CAMSAP1: variants seen among roughly 807,000 people sequenced by gnomAD.
CAMSAP1 encodes calmodulin regulated spectrin associated protein 1.
CAMSAP1 carries 58 observed loss-of-function variants against 143.5 expected under a neutral mutation model. The observed-to-expected ratio is 0.40, with a 90% CI of 0.33 to 0.50. The LOEUF is 0.50. CAMSAP1 is among the 20% of genes least tolerant of loss of function. CAMSAP1 has a pLI of 0.45. For synonymous variants in CAMSAP1, 945 were observed against 859.3 expected, an observed-to-expected ratio of 1.10 and a Z score of -1.74; for missense variants, 1,969 against 2,115.7, an observed-to-expected ratio of 0.93 and a Z score of 1.36.
chr9:135,817,200 G>A (rs528216382), intron 14 of CAMSAP1, among the ~76,000 whole-genome samples: 55 of 152,184 alleles, frequency 3.6e-4, no homozygotes, highest in Non-Finnish European at 6.8e-4. Flanking sequence ...TCCTGGACTC[G>A]GAAACAACAC....
chr9:135,841,539 G>A (rs543951500), intron 7 of CAMSAP1, among the ~76,000 whole-genome samples: 2 of 152,306 alleles, frequency 1.3e-5, no homozygotes, highest in South Asian at 2.1e-4. Flanking sequence ...CCTGACTCCC[G>A]TGCCTCCTGA....
chr9:135,841,348 A>C (rs1239750371), intron 7 of CAMSAP1, among the ~76,000 whole-genome samples: 3 of 152,202 alleles, frequency 2.0e-5, no homozygotes, highest in African/African-American at 7.2e-5. Context: ...TATTAGCCCT[A>C]GTCAGGGGCT....
intron 7 of CAMSAP1, among the ~76,000 whole-genome samples, chr9:135,839,305 T>C (rs1164292735): frequency 6.6e-6 from 1 of 152,194 alleles, no homozygotes; most frequent in African/African-American, 2.4e-5. Flanking sequence ...ATGAGTCTGT[T>C]TGTGTCCGTA....
intron 3 of CAMSAP1, among the ~76,000 whole-genome samples, chr9:135,879,020 G>A (rs545450973): frequency 2.6e-5 from 4 of 152,132 alleles, no homozygotes; most frequent in African/African-American, 4.8e-5. Context: ...GAAAATGGGC[G>A]CCTGACCACA....
At chr9:135,830,057 T>C (rs1022055812) in intron 7 of CAMSAP1, among the ~76,000 whole-genome samples, 10 of 151,838 alleles carry the variant, frequency 6.6e-5, no homozygotes, top group African/African-American at 2.2e-4. Flanking sequence ...AGGTAATGAC[T>C]ACTGAAGTTA....
At chr9:135,814,135 A>G (rs1289807224) in intron 16 of CAMSAP1, among the ~76,000 whole-genome samples, 1 of 152,216 alleles carries the variant, frequency 6.6e-6, no homozygotes, top group African/African-American at 2.4e-5. Flanking sequence ...TCTAAGCAGG[A>G]AGGGCATGAC....
At chr9:135,851,857 C>T (rs144558758) in intron 5 of CAMSAP1, among the ~76,000 whole-genome samples, 26 of 152,352 alleles carry the variant, frequency 1.7e-4, no homozygotes, top group African/African-American at 6.0e-4. Context: ...GCTGTCTATG[C>T]GTGTACAGAC....
At chr9:135,878,763 T>C (rs1837835130) in intron 3 of CAMSAP1, among the ~76,000 whole-genome samples, 1 of 152,136 alleles carries the variant, frequency 6.6e-6, no homozygotes, top group Admixed American at 6.5e-5. Context: ...AAAGGTGCTT[T>C]GGAAGCATTC....
rs532144769 is a variant in CAMSAP1 at position 135,849,990 on chromosome 9, C to A, written c.1045+147G>T. 53 of 588,270 alleles carry A rather than the reference C, an allele frequency of 9.0e-5. No homozygotes were observed. The African/African-American group carries it at 9.7e-4, about 11-fold the overall frequency. The allele number at this position is 588,270 out of a possible 1,614,324, so 36.4% of individuals were successfully genotyped here. On this transcript the variant is annotated intron_variant, in intron 7 of 16. Transcript: ENST00000389532. ...ATCACTTAGAAAGCCTTTCCCCAAA[C>A]TCTCACGCCCGTCCCTGGGATTCTG...
Position 135,814,264 on chromosome 9 carries a change from G to GT in CAMSAP1, c.4506+832dup, listed in dbSNP as rs142296877. ...CGTTTTAAAGTGGGTCAGAAATTCC[G>GT]TATGTCACTTTAATTTTTACAACTA... is the stretch of plus-strand genomic sequence containing the variant. On this transcript the variant is annotated intron_variant, in intron 16 of 16. Coordinates refer to ENST00000389532, the MANE Select transcript of CAMSAP1 (RefSeq NM_015447.4). Among the ~76,000 whole-genome samples, 781 of 152,332 alleles carry GT rather than the reference G, an allele frequency of 5.1e-3. 5 individuals are homozygous for GT. The highest frequency in any genetic ancestry group is 0.018 in the African/African-American group (751 of 41,572).
chr9:135,816,002 C>T lies in CAMSAP1; in HGVS notation c.4275G>A (p.Val1425=), dbSNP rs199584430. 6.2e-7 allele frequency: 1 copy of T among 1,613,356 alleles called. No individual in the cohort carries two copies. The highest frequency in any genetic ancestry group is 8.5e-7 in the Non-Finnish European group (1 of 1,179,782). The change falls in exon 15 of 17, where the codon GTG becomes GTA. Residue 1425 remains valine (V), a synonymous_variant. Coordinates refer to ENST00000389532, the MANE Select transcript of CAMSAP1 (RefSeq NM_015447.4). The part of the protein sequence containing the change: ...VHSGGTPSQR[V]ESMEALPILS... ...GTATGGGCAGGGCTTCCATCGATTC[C>T]ACTCTGCAGGCAGAAACAGACAAGA...
rs1414674691 is a variant in CAMSAP1 at position 135,874,485 on chromosome 9, G to GA, written c.585+7147_585+7148insT. 4.7e-5 allele frequency among the ~76,000 whole-genome samples: 7 copies of GA among 149,824 alleles called. No homozygotes were observed. The East Asian group carries it at 1.2e-3, about 25-fold the overall frequency. ...GAGACCCTGTCTCAAAAAAGGGGGG[G>GA]GGGGGCCACAGGGGCCGGGAACTCC... On this transcript the variant is annotated intron_variant, in intron 3 of 16. Transcript: ENST00000389532.
At chr9:135,889,991 G>A (rs1236495203) in intron 1 of CAMSAP1, among the ~76,000 whole-genome samples, 1 of 152,216 alleles carries the variant, frequency 6.6e-6, no homozygotes, top group Non-Finnish European at 1.5e-5. Flanking sequence ...GCCTGAGCCT[G>A]GAAAGGAGGC....
In CAMSAP1 at chr9:135,850,249, A is replaced by G; in HGVS notation, c.949-16T>C. On this transcript the variant is annotated splice_polypyrimidine_tract_variant and intron_variant, in intron 6 of 16. Transcript: ENST00000389532. ...TAACATTCGGCTAAAAGACAAAAAC[A>G]AAAAACCAAAGTATGATAAGCAGTT... 1.2e-6 allele frequency: 2 copies of G among 1,612,732 alleles called. No homozygotes were observed. The highest frequency in any genetic ancestry group is 1.7e-6 in the Non-Finnish European group (2 of 1,179,602).
At chr9:135,906,003 C>T (rs1838765530) in intron 1 of CAMSAP1, among the ~76,000 whole-genome samples, 1 of 152,242 alleles carries the variant, frequency 6.6e-6, no homozygotes, top group Admixed American at 6.5e-5. Flanking sequence ...AAAGGAAAAA[C>T]TCTTTCCCAA....
At chr9:135,843,429 TAA>T (rs565800901) in intron 7 of CAMSAP1, among the ~76,000 whole-genome samples, 47 of 151,884 alleles carry the variant, frequency 3.1e-4, no homozygotes, top group African/African-American at 1.1e-3. Context: ...AGACTCAAAA[TAA>T]AGGGATGGAG....
In CAMSAP1 at chr9:135,809,572, G is replaced by A. The variant is rs551872291; in HGVS notation, c.*1737C>T. 11 of 152,716 alleles carry A rather than the reference G, an allele frequency of 7.2e-5. No individual in the cohort carries two copies. The East Asian group carries it at 1.3e-3, about 19-fold the overall frequency. The allele number at this position is 152,716 out of a possible 1,614,324, so 9.5% of individuals were successfully genotyped here. On this transcript the variant is annotated 3_prime_UTR_variant, in exon 17 of 17. Transcript: ENST00000389532. ...TGAGCCACAGCAACCTCACACATAC[G>A]ATTCAATGTAAAGCAAATTAGTTCA...
At position 135,822,827 on chromosome 9, in the gene CAMSAP1, C is replaced by T. The variant is rs1360746009; in HGVS notation, c.1834G>A (p.Glu612Lys). ...PAKEKQVITK[E>K]DERGEGRPRS... ...GGTCTCCCTTCCCCCCGTTCATCCTCCTTGGTGATCACCTGCTTCTCTTTC... is the reference window on the plus strand; with the variant it reads ...GGTCTCCCTTCCCCCCGTTCATCCTTCTTGGTGATCACCTGCTTCTCTTTC... The change falls in exon 11 of 17, where the codon GAG (glutamate) becomes AAG (lysine). Residue 612 changes from glutamate (E) to lysine (K), a missense_variant. Glu to Lys is a moderately conservative substitution (Grantham distance 56, BLOSUM62 1). Around this residue, in one of 4 missense-constraint regions of CAMSAP1, gnomAD observed 1,390 missense variants for 1,420.8 expected, o/e 0.98. Transcript: ENST00000389532. The surrounding 1 kb of genome is among the most constrained non-coding windows in gnomAD (Gnocchi z 6.1). The T allele has an allele frequency of 1.2e-6, 2 of 1,614,020 alleles. No homozygotes were observed. The highest frequency in any genetic ancestry group is 1.7e-5 in the Admixed American group (1 of 60,028).
chr9:135,882,766 C>T lies in CAMSAP1; in HGVS notation c.423+50G>A, dbSNP rs748360520. 48 of 1,523,076 alleles carry T rather than the reference C, an allele frequency of 3.2e-5. No homozygotes were observed. Among genetic ancestry groups the T allele is most frequent in the Non-Finnish European group, 4.0e-5 (45 of 1,134,404 alleles). 94.3% of individuals were successfully genotyped at this position (1,523,076 alleles called of 1,614,324 possible). ...TGCACCAGGTGCGCCACACGAGAGC[C>T]CACGGCTCCAGAGGATGGCCCCTGG... On this transcript the variant is annotated intron_variant, in intron 2 of 16. Coordinates refer to ENST00000389532, the MANE Select transcript of CAMSAP1 (RefSeq NM_015447.4). The surrounding 1 kb of genome is among the most constrained non-coding windows in gnomAD (Gnocchi z 4.9).
Sources: gnomAD v4.1 joint callset for allele counts (sites outside exome capture counted in the v4.1 genomes callset) on GRCh38, gnomAD v4.1.1 for gene constraint, gnomAD v4.1.1 regional missense constraint, Gnocchi (gnomAD v3.1) non-coding constraint, MANE v1.5 for transcripts, NCBI Gene and HGNC (gene_info 2026-07-23, HGNC 2026-07-21) for gene names.